The following SCN2A variants were observed in gnomAD, a reference collection of about 807,000 sequenced individuals.
SCN2A encodes the protein sodium voltage-gated channel alpha subunit 2.
A neutral mutation model predicts 188.7 loss-of-function variants in SCN2A; 20 were observed. The ratio of observed to expected loss-of-function variants is 0.11; its 90% CI spans 0.07 to 0.15. SCN2A has a LOEUF of 0.15. Among genes scored for constraint, SCN2A ranks in the 10% least tolerant of loss-of-function variants. SCN2A has a pLI of 1.00. For synonymous variants in SCN2A, 804 were observed against 833.1 expected (o/e 0.97, Z 0.60); for missense variants, 1,278 against 2,445.0 (o/e 0.52, Z 10.07).
At chr2:165,335,160 T>C (rs1297240254) in intron 14 of SCN2A, among the ~76,000 whole-genome samples, 1 of 151,482 alleles carries the variant, frequency 6.6e-6, no homozygotes, top group Non-Finnish European at 1.5e-5. Context: ...GAGGAAAATA[T>C]TGTTAAGATG....
Position 165,274,886 on chromosome 2 carries a change from C to CA in SCN2A, c.-51-20887_-51-20886insA, listed in dbSNP as rs532912800. Among the ~76,000 whole-genome samples the CA allele has an allele frequency of 3.1e-3, 475 of 152,300 alleles. 4 individuals are homozygous for CA. In the Middle Eastern group the frequency reaches 0.034, roughly 11 times the overall value. ...CTGCTTTCATCATCCTCCTTCTGTT[C>CA]TCAAGCCAAGGACATAGAATGGCAG... On this transcript the variant is annotated intron_variant, in intron 1 of 26. Transcript: ENST00000375437.
At chr2:165,366,190 T>C (rs550205295) in intron 18 of SCN2A, among the ~76,000 whole-genome samples, 5 of 152,346 alleles carry the variant, frequency 3.3e-5, no homozygotes, top group Admixed American at 2.0e-4. Flanking sequence ...TTTGTGATAA[T>C]TGTTGCTTTC....
At chr2:165,291,541 C>T (rs1205371607) in intron 1 of SCN2A, among the ~76,000 whole-genome samples, 194 of 91,040 alleles carry the variant, frequency 2.1e-3, no homozygotes, top group Non-Finnish European at 3.3e-3. Context: ...TCCTTCCTTC[C>T]TTCCTTCCTT....
intron 1 of SCN2A, among the ~76,000 whole-genome samples, chr2:165,244,749 G>A (rs1574425400): frequency 6.6e-6 from 1 of 152,114 alleles, no homozygotes; most frequent in South Asian, 2.1e-4. Flanking sequence ...TATTTTTATA[G>A]TTTTAAGTTG....
At chr2:165,384,228 C>T (rs1032286867) in intron 25 of SCN2A, among the ~76,000 whole-genome samples, 1 of 151,556 alleles carries the variant, frequency 6.6e-6, no homozygotes, top group Non-Finnish European at 1.5e-5. Context: ...ATTTAATGTT[C>T]TAAAAAAAGT....
intron 3 of SCN2A, 46 bp downstream of exon 3, chr2:165,297,181 C>G: frequency 8.7e-7 from 1 of 1,143,262 alleles, no homozygotes; most frequent in Non-Finnish European, 1.3e-6. Context: ...CTTCTTTGAC[C>G]AAGTTATTGA....
chr2:165,291,436 C>CTT lies in SCN2A; in HGVS notation c.-51-4336_-51-4335insTT, dbSNP rs1553563559. 2.1e-3 allele frequency among the ~76,000 whole-genome samples: 135 copies of CTT among 65,350 alleles called. 1 individual carries two copies. Among genetic ancestry groups the CTT allele is most frequent in the African/African-American group, 3.5e-3 (65 of 18,348 alleles). 42.9% of individuals were successfully genotyped at this position (65,350 alleles called of 152,430 possible). ...CCTTCCTCCCTGTCTGTCTTTCTTT[C>CTT]TCTTTCTTTCTTTCTTTCTTTCTTT... On this transcript the variant is annotated intron_variant, in intron 1 of 26. Coordinates refer to ENST00000375437, the MANE Select transcript of SCN2A (RefSeq NM_001040142.2).
Position 165,323,569 on chromosome 2 carries a change from A to G in SCN2A, c.2016+69A>G, listed in dbSNP as rs1161168757. The G allele has an allele frequency of 5.7e-6, 8 of 1,398,398 alleles. No individual in the cohort carries two copies. In the Admixed American group the frequency reaches 1.4e-4, roughly 24 times the overall value. The allele number at this position is 1,398,398 out of a possible 1,614,324, so 86.6% of individuals were successfully genotyped here. A position where few individuals can be genotyped will look rare whatever the true frequency, so the allele number is the denominator to read the frequency against. ...CTGGTGCAGGCAGGAGTGTTTTTCCATTTCCACATCTAAGAATTTGTTGAG... is the reference window on the plus strand; with the variant it reads ...CTGGTGCAGGCAGGAGTGTTTTTCCGTTTCCACATCTAAGAATTTGTTGAG... On this transcript the variant is annotated intron_variant, in intron 12 of 26. Transcript: ENST00000375437.
chr2:165,378,664 T>C (rs1701441001), intron 23 of SCN2A, among the ~76,000 whole-genome samples: 1 of 151,794 alleles, frequency 6.6e-6, no homozygotes, highest in Non-Finnish European at 1.5e-5. Flanking sequence ...TCTTACCTTT[T>C]TGATTAATTA....
At chr2:165,347,546 C>T (rs572856059) in intron 16 of SCN2A, among the ~76,000 whole-genome samples, 24 of 152,108 alleles carry the variant, frequency 1.6e-4, no homozygotes, top group African/African-American at 5.8e-4. Context: ...ATGTATGTAA[C>T]AAATCTGCAT....
intron 1 of SCN2A, among the ~76,000 whole-genome samples, chr2:165,250,683 A>G (rs1049840162): frequency 6.6e-6 from 1 of 152,064 alleles, no homozygotes. Context: ...CCACATCATT[A>G]TTATCTATCT....
chr2:165,339,017 C>T (rs1209504008), intron 14 of SCN2A, among the ~76,000 whole-genome samples: 1 of 152,062 alleles, frequency 6.6e-6, no homozygotes, highest in Non-Finnish European at 1.5e-5. Context: ...GTCAGGAGTT[C>T]GAGACCAGCC....
Position 165,321,797 on chromosome 2 carries a change from A to G in SCN2A, c.1672-1359A>G, listed in dbSNP as rs568223261. Among the ~76,000 whole-genome samples, 5 of 152,354 alleles carry G rather than the reference A, an allele frequency of 3.3e-5. No individual in the cohort carries two copies. The South Asian group carries it at 6.2e-4, about 19-fold the overall frequency. On this transcript the variant is annotated intron_variant, in intron 11 of 26. Coordinates refer to ENST00000375437, the MANE Select transcript of SCN2A (RefSeq NM_001040142.2). ...TGGAAATTATGGGAGATACAACTCA[A>G]GATGAGATCTGGGTGGGGACACAGC...
chr2:165,368,321 C>G (rs1028125392), intron 19 of SCN2A, among the ~76,000 whole-genome samples: 3 of 152,082 alleles, frequency 2.0e-5, no homozygotes, highest in African/African-American at 7.2e-5. Context: ...GAGTTCTGGG[C>G]TTTATATAGG....
At chr2:165,311,426 C>G (rs1482059082) in intron 7 of SCN2A, among the ~76,000 whole-genome samples, 1 of 152,030 alleles carries the variant, frequency 6.6e-6, no homozygotes, top group Non-Finnish European at 1.5e-5. Flanking sequence ...TAGATATACT[C>G]AGACAACATA....
chr2:165,260,764 C>G (rs1187201206), intron 1 of SCN2A, among the ~76,000 whole-genome samples: 1 of 151,602 alleles, frequency 6.6e-6, no homozygotes, highest in Non-Finnish European at 1.5e-5. Flanking sequence ...GTTAGGAGTT[C>G]GAGACCAGTC....
chr2:165,355,390 G>T (rs1229929671), intron 17 of SCN2A, among the ~76,000 whole-genome samples: 1 of 152,142 alleles, frequency 6.6e-6, no homozygotes, highest in African/African-American at 2.4e-5. Flanking sequence ...TACAAGAAGG[G>T]TATGAGCAAC....
Position 165,389,549 on chromosome 2 carries a change from G to T in SCN2A, c.5743G>T (p.Ala1915Ser). The T allele has an allele frequency of 6.2e-7, 1 of 1,613,864 alleles. No individual in the cohort carries two copies. Among genetic ancestry groups the T allele is most frequent in the South Asian group, 1.1e-5 (1 of 91,066 alleles). ...EEVSAIIIQR[A>S]YRRYLLKQKV... ...GGTGTCTGCTATTATTATCCAGAGGGCTTACAGACGCTACCTCTTGAAGCA... is the reference window on the plus strand; with the variant it reads ...GGTGTCTGCTATTATTATCCAGAGGTCTTACAGACGCTACCTCTTGAAGCA... Residue 1915 changes from alanine (A) to serine (S), a missense_variant, in exon 27 of 27, where the codon GCT becomes TCT. Transcript: ENST00000375437. The surrounding 1 kb of genome is among the most constrained non-coding windows in gnomAD (Gnocchi z 4.2).
At chr2:165,340,243 A>T (rs925170144) in intron 14 of SCN2A, among the ~76,000 whole-genome samples, 12 of 152,236 alleles carry the variant, frequency 7.9e-5, no homozygotes, top group Admixed American at 3.9e-4. Context: ...TTTATTGGAA[A>T]ACAGACAAAA....
Sources: allele counts gnomAD v4.1 joint callset (sites outside exome capture counted in the v4.1 genomes callset), GRCh38; gene constraint gnomAD v4.1.1; non-coding constraint Gnocchi (gnomAD v3.1); transcripts MANE v1.5; gene names NCBI Gene and HGNC (gene_info 2026-07-23, HGNC 2026-07-21).